CTTN: variants seen among roughly 807,000 people sequenced by gnomAD.
CTTN encodes the protein cortactin, also known as src substrate cortactin.
Under a neutral mutation model 84.0 loss-of-function variants are expected in CTTN, and 28 were observed. That is an observed-to-expected ratio of 0.33 (90% CI 0.25 to 0.46). The LOEUF (loss-of-function observed/expected upper bound fraction) is 0.46, where lower values mean the gene tolerates loss of function less well. Ranked by LOEUF, CTTN falls within the 20% of genes least tolerant of loss-of-function variation. The pLI, the probability that CTTN is intolerant of heterozygous loss-of-function variation, is 1.00. For synonymous variants in CTTN, 301 were observed against 288.8 expected (o/e 1.04, Z -0.43); for missense variants, 641 against 723.8 (o/e 0.89, Z 1.31).
intron 4 of CTTN, among the ~76,000 whole-genome samples, chr11:70,409,260 G>A (rs112922494): frequency 1.3e-5 from 2 of 152,198 alleles, no homozygotes; most frequent in African/African-American, 4.8e-5. Flanking sequence ...GCTGTGTCTG[G>A]CCTACCAGAT....
chr11:70,409,046 T>G (rs1485311760), intron 4 of CTTN, among the ~76,000 whole-genome samples: 1 of 152,204 alleles, frequency 6.6e-6, no homozygotes, highest in Non-Finnish European at 1.5e-5. Flanking sequence ...TTCTTCATGC[T>G]CTGGGGCCTT....
intron 9 of CTTN, 71 bp downstream of exon 9, chr11:70,419,927 G>A (rs757310814): frequency 2.0e-5 from 25 of 1,228,804 alleles, no homozygotes; most frequent in Non-Finnish European, 2.7e-5. Flanking sequence ...CACCGGAAAA[G>A]GAAAAACAAA....
intron 1 of CTTN, among the ~76,000 whole-genome samples, chr11:70,400,886 C>G (rs7948535): frequency 6.6e-6 from 1 of 152,140 alleles, no homozygotes; most frequent in Admixed American, 6.5e-5. Flanking sequence ...ATGTTGGGGG[C>G]GGGGTTTCCC....
chr11:70,427,909 CAA>C (rs1946428577), intron 13 of CTTN, among the ~76,000 whole-genome samples: 1 of 152,214 alleles, frequency 6.6e-6, no homozygotes, highest in Admixed American at 6.5e-5. Context: ...CCGTTGGCAA[CAA>C]ATACTCCAGT....
rs192809533 is a variant in CTTN at position 70,435,178 on chromosome 11, C to T, written c.*16C>T. On this transcript the variant is annotated 3_prime_UTR_variant, in exon 18 of 18. Coordinates refer to ENST00000301843, the MANE Select transcript of CTTN (RefSeq NM_005231.4). ...GCGGCAGTAGGGCCCCCAGCCCCCCCCCGGAGCTGCGCCCTGGATCCTCAC... is the reference window on the plus strand; with the variant it reads ...GCGGCAGTAGGGCCCCCAGCCCCCCTCCGGAGCTGCGCCCTGGATCCTCAC... 4.8e-4 allele frequency: 765 copies of T among 1,598,558 alleles called. 10 individuals carry two copies. The South Asian group carries it at 7.0e-3, about 15-fold the overall frequency.
At chr11:70,421,446 C>T in intron 10 of CTTN, 24 bp from the exon 11 acceptor site, 1 of 1,526,018 alleles carries the variant, frequency 6.6e-7, no homozygotes, top group South Asian at 1.1e-5. Flanking sequence ...GTTGTTTTCC[C>T]CACCGTTGCT....
chr11:70,421,626 C>T (rs376154489), intron 11 of CTTN, 46 bp downstream of exon 11: 57 of 1,371,892 alleles, frequency 4.2e-5, no homozygotes, highest in Non-Finnish European at 5.0e-5. Flanking sequence ...CCCTCCTGTG[C>T]GGCCACTTCT....
intron 8 of CTTN, 52 bp downstream of exon 8, chr11:70,417,175 C>T (rs1038161136): frequency 2.9e-6 from 4 of 1,378,586 alleles, no homozygotes; most frequent in Admixed American, 3.4e-5. Context: ...GAAACACCCA[C>T]GAGGGCATTT....
Position 70,436,209 on chromosome 11 carries a change from G to A in CTTN, c.*1047G>A. The A allele has an allele frequency of 6.4e-7, 1 of 1,566,712 alleles. No homozygotes were observed. Among genetic ancestry groups the A allele is most frequent in the Admixed American group, 1.8e-5 (1 of 55,990 alleles). ...AGAAGTGTGAAGTGCAGATGAGTGT[G>A]TGTTCTTCCCCAAGGTCCCCCCACA... On this transcript the variant is annotated 3_prime_UTR_variant, in exon 18 of 18. Transcript: ENST00000301843.
chr11:70,419,933 A>G (rs773979104), intron 9 of CTTN, 77 bp downstream of exon 9: 7 of 1,141,772 alleles, frequency 6.1e-6, no homozygotes, highest in Non-Finnish European at 9.0e-6. Context: ...AAAAGGAAAA[A>G]CAAAGCGTTA....
At chr11:70,431,615 G>A (rs1264181326) in intron 15 of CTTN, among the ~76,000 whole-genome samples, 1 of 152,100 alleles carries the variant, frequency 6.6e-6, no homozygotes, top group African/African-American at 2.4e-5. Context: ...GCTCTCTGCT[G>A]TGCAGGACGC....
At chr11:70,399,315 C>G (rs1467818954) in intron 1 of CTTN, among the ~76,000 whole-genome samples, 1 of 88,588 alleles carries the variant, frequency 1.1e-5, no homozygotes, top group Admixed American at 1.4e-4. Flanking sequence ...GGTCGGGGCT[C>G]GGAGGAAAGG....
Position 70,414,625 on chromosome 11 carries a change from TG to T in CTTN, c.377del (p.Gly126ValfsTer12). The T allele has an allele frequency of 6.2e-7, 1 of 1,614,128 alleles. No homozygotes were observed. Among genetic ancestry groups the T allele is most frequent in the Non-Finnish European group, 8.5e-7 (1 of 1,179,970 alleles). On this transcript the variant is annotated frameshift_variant, in exon 6 of 18. Transcript: ENST00000301843. LOFTEE classifies it high-confidence loss of function. Reference protein sequence around the residue: ...DSVRGFGGKFGVQMDRVDQSA... With the variant: ...DSVRGFGGKFXVQMDRVDQSA... ...CGGTCCGTGGCTTCGGAGGCAAGTT[TG>T]GTGTCCAGATGGACAGAGTTGATCA... is the stretch of plus-strand genomic sequence containing the variant.
At chr11:70,429,305 T>C in intron 14 of CTTN, 106 bp downstream of exon 14, 1 of 1,306,064 alleles carries the variant, frequency 7.7e-7, no homozygotes, top group Non-Finnish European at 1.1e-6. Context: ...GGCCAGGTTT[T>C]CCTTGGAAGG....
chr11:70,433,750 G>A (rs765243210), intron 17 of CTTN, 32 bp downstream of exon 17: 2 of 1,483,834 alleles, frequency 1.3e-6, no homozygotes, highest in South Asian at 2.3e-5. Context: ...TTGGAGGGGA[G>A]ACCCAGGCAG....
intron 1 of CTTN, among the ~76,000 whole-genome samples, chr11:70,400,232 G>T (rs959267853): frequency 2.0e-5 from 3 of 152,300 alleles, no homozygotes; most frequent in Middle Eastern, 3.4e-3. Context: ...ACTTTGGGAG[G>T]TCAAGGTGAG....
At chr11:70,399,788 G>T (rs1006821586) in intron 1 of CTTN, among the ~76,000 whole-genome samples, 7 of 152,116 alleles carry the variant, frequency 4.6e-5, no homozygotes, top group African/African-American at 1.7e-4. Flanking sequence ...TCCGGTGAGC[G>T]CTCCCTGGAA....
In CTTN at chr11:70,419,791, A is replaced by G. The variant is rs752057419; in HGVS notation, c.614A>G (p.Lys205Arg). The G allele has an allele frequency of 1.2e-6, 2 of 1,612,864 alleles. No individual in the cohort carries two copies. The highest frequency in any genetic ancestry group is 2.2e-5 in the South Asian group (2 of 90,542). Residue 205 changes from lysine (K) to arginine (R), a missense_variant, in exon 9 of 18, where the codon AAA becomes AGA. Lys to Arg is a conservative substitution (Grantham distance 26). Transcript: ENST00000301843. ...FGGKYGIDKD[K>R]VDKSAVGFEY... ...GGCAAATACGGTATCGACAAGGACA[A>G]AGTGGATAAGAGCGCCGTTGGCTTT...
chr11:70,408,902 C>T (rs1455067460), intron 4 of CTTN, among the ~76,000 whole-genome samples: 1 of 151,956 alleles, frequency 6.6e-6, no homozygotes, highest in Admixed American at 6.6e-5. Flanking sequence ...AGTCATCATA[C>T]CTCTTCTCAT....
Sources: allele counts gnomAD v4.1 joint callset (sites outside exome capture counted in the v4.1 genomes callset), GRCh38; gene constraint gnomAD v4.1.1; transcripts MANE v1.5; gene names NCBI Gene and HGNC (gene_info 2026-07-23, HGNC 2026-07-21).